The following C5 variants were observed in gnomAD, a reference collection of about 807,000 sequenced individuals.
C5 encodes complement C5.
Under a neutral mutation model 218.8 loss-of-function variants are expected in C5, and 140 were observed. That is an observed-to-expected ratio of 0.64 (90% CI 0.56 to 0.74). C5 has a LOEUF of 0.74. C5 is among the 30% of genes least tolerant of loss of function. C5 has a pLI of 0.00. For missense variants in C5, 1,700 were observed against 1,969.6 expected (o/e 0.86, Z 2.59); for synonymous variants, 614 against 682.3 (o/e 0.90, Z 1.56).
chr9:121,067,388 C>A, the C5 span, among the ~76,000 whole-genome samples: 1 of 151,926 alleles, frequency 6.6e-6, no homozygotes, highest in Admixed American at 6.6e-5. Context: ...TGGTGAAACC[C>A]TGTCTCTACT....
intron 37 of C5, 79 bp from the exon 38 acceptor site, chr9:120,960,416 C>T: frequency 2.1e-6 from 2 of 947,368 alleles, no homozygotes; most frequent in Non-Finnish European, 3.4e-6. Context: ...CACGGTTTCT[C>T]ATGAGCCCAG....
chr9:120,996,333 ACAT>A (rs541176898), intron 21 of C5, 33 bp from the exon 22 acceptor site: 1 of 1,572,434 alleles, frequency 6.4e-7, no homozygotes, highest in Non-Finnish European at 8.8e-7. Flanking sequence ...TCAGTTAAAA[ACAT>A]AAGTTTATAT....
Position 120,952,878 on chromosome 9 carries a change from A to C in C5, c.4902-10T>G. ...TAAAGGGTAGATGTACCTACCAAGA[A>C]ACAAAGTGTTTGTGAGGTGGCCACA... On this transcript the variant is annotated splice_polypyrimidine_tract_variant and intron_variant, in intron 40 of 40. Transcript: ENST00000223642. 1 of 1,613,458 alleles carries C rather than the reference A, an allele frequency of 6.2e-7. No individual in the cohort carries two copies. The highest frequency in any genetic ancestry group is 8.5e-7 in the Non-Finnish European group (1 of 1,179,734).
intron 17 of C5, among the ~76,000 whole-genome samples, chr9:121,012,275 G>C (rs1564150830): frequency 6.6e-6 from 1 of 151,214 alleles, no homozygotes; most frequent in African/African-American, 2.4e-5. Context: ...AAAATTAAGA[G>C]AAAAAAAAGC....
At chr9:121,055,120 T>C (rs1052044896), upstream of C5, among the ~76,000 whole-genome samples, 2 of 152,128 alleles carry the variant, frequency 1.3e-5, no homozygotes, top group African/African-American at 4.8e-5. Context: ...TTTTTTGGGC[T>C]GAATCAATAT....
intron 33 of C5, among the ~76,000 whole-genome samples, chr9:120,967,163 G>A (rs1375612158): frequency 6.6e-6 from 1 of 151,720 alleles, no homozygotes; most frequent in East Asian, 1.9e-4. Context: ...GGGAGGCTGA[G>A]GAAGGAGAAT....
At chr9:121,025,795 A>C in intron 8 of C5, 1 of 476,406 alleles carries the variant, frequency 2.1e-6, no homozygotes, top group South Asian at 2.3e-5. Context: ...GGTCTTGAAC[A>C]TCACATGGTC....
At chr9:120,996,335 A>C (rs1482114657) in intron 21 of C5, 35 bp from the exon 22 acceptor site, 5 of 1,535,966 alleles carry the variant, frequency 3.3e-6, no homozygotes, top group Non-Finnish European at 2.7e-6. Flanking sequence ...AGTTAAAAAC[A>C]TAAGTTTATA....
At chr9:121,041,766 T>TA (rs141308009) in intron 3 of C5, among the ~76,000 whole-genome samples, 3,199 of 152,286 alleles carry the variant, frequency 0.021, 126 homozygotes, top group East Asian at 0.18. Flanking sequence ...TGCTTGTTTC[T>TA]AGGTATGATT....
At chr9:121,039,374 T>C (rs2047557313) in intron 3 of C5, among the ~76,000 whole-genome samples, 1 of 152,102 alleles carries the variant, frequency 6.6e-6, no homozygotes, top group Non-Finnish European at 1.5e-5. Flanking sequence ...TGCAGTGGCT[T>C]ACACCTGGAA....
intron 5 of C5, among the ~76,000 whole-genome samples, chr9:121,033,081 C>A (rs1372320525): frequency 6.6e-6 from 1 of 151,834 alleles, no homozygotes; most frequent in Non-Finnish European, 1.5e-5. Context: ...TATATACACA[C>A]ACACACACAT....
rs369345827 is a variant in C5, at chr9:121,013,854, T to G, written c.2257+19A>C. 255 of 1,606,950 alleles carry G rather than the reference T, an allele frequency of 1.6e-4. 3 individuals carry two copies. The highest frequency in any genetic ancestry group is 1.5e-3 in the Middle Eastern group (9 of 6,048). The stretch of plus-strand genomic sequence containing the variant: ...TTCCCCATATTGAGCAGAATTCTGA[T>G]AGAAAATGTCATACTTACGTAGCCT... On this transcript the variant is annotated intron_variant, in intron 17 of 40. Coordinates refer to ENST00000223642, the MANE Select transcript of C5 (RefSeq NM_001735.3).
chr9:121,046,410 C>T (rs748446808), intron 1 of C5, 27 bp from the exon 2 acceptor site: 3 of 1,491,298 alleles, frequency 2.0e-6, no homozygotes, highest in Non-Finnish European at 2.8e-6. Flanking sequence ...AGATAAGGCT[C>T]AATGTCTTTA....
the C5 span, among the ~76,000 whole-genome samples, chr9:121,067,121 A>G: frequency 6.6e-6 from 1 of 152,096 alleles, no homozygotes; most frequent in Admixed American, 6.5e-5. Context: ...TTTTTAAATT[A>G]GCCAGGCATG....
chr9:120,968,180 T>C (rs1185420764), intron 33 of C5, among the ~76,000 whole-genome samples: 1 of 152,074 alleles, frequency 6.6e-6, no homozygotes, highest in Admixed American at 6.5e-5. Context: ...GGATTTGAGA[T>C]AGGGGGTTAT....
intron 3 of C5, among the ~76,000 whole-genome samples, chr9:121,039,971 C>T (rs1439085117): frequency 6.6e-6 from 1 of 152,198 alleles, no homozygotes; most frequent in South Asian, 2.1e-4. Flanking sequence ...CATTATGCTA[C>T]GTACTGAGAT....
intron 3 of C5, among the ~76,000 whole-genome samples, chr9:121,039,094 C>T (rs1176799952): frequency 6.6e-6 from 1 of 152,190 alleles, no homozygotes; most frequent in Non-Finnish European, 1.5e-5. Context: ...CCCTCTAAAC[C>T]TTAGTTAACT....
the C5 span, among the ~76,000 whole-genome samples, chr9:121,067,687 T>C: frequency 1.3e-5 from 2 of 151,988 alleles, no homozygotes; most frequent in Admixed American, 1.3e-4. Context: ...GGAAGGTACC[T>C]GGTGGGAGGT....
chr9:120,977,504 G>GGA (rs751417563), intron 28 of C5, among the ~76,000 whole-genome samples: 38 of 152,222 alleles, frequency 2.5e-4, no homozygotes, highest in Non-Finnish European at 5.1e-4. Flanking sequence ...CACCCAGGCT[G>GGA]GAGTGCAGTG....
Sources: gnomAD v4.1 joint callset for allele counts (sites outside exome capture counted in the v4.1 genomes callset) on GRCh38, gnomAD v4.1.1 for gene constraint, MANE v1.5 for transcripts, NCBI Gene and HGNC (gene_info 2026-07-23, HGNC 2026-07-21) for gene names.